The following MSI2 variants were observed in gnomAD, a reference collection of about 807,000 sequenced individuals.
The protein encoded by MSI2 is musashi RNA binding protein 2.
A neutral mutation model predicts 45.6 loss-of-function variants in MSI2; 17 were observed. That is an observed-to-expected ratio of 0.37 (90% CI 0.26 to 0.56). MSI2 has a LOEUF of 0.56. Among genes scored for constraint, MSI2 ranks in the 20% least tolerant of loss-of-function variants. The pLI, the probability that MSI2 is intolerant of heterozygous loss-of-function variation, is 0.77. For missense variants in MSI2, 293 were observed against 444.2 expected, an observed-to-expected ratio of 0.66 and a Z score of 3.06; for synonymous variants, 156 against 158.2, an observed-to-expected ratio of 0.99 and a Z score of 0.11.
intron 6 of MSI2, among the ~76,000 whole-genome samples, chr17:57,466,952 T>G (rs1027623324): frequency 2.0e-5 from 3 of 152,228 alleles, no homozygotes; most frequent in Non-Finnish European, 2.9e-5. Flanking sequence ...GAATCTTGGC[T>G]GCTGTGATTT....
At chr17:57,419,338 T>C in intron 6 of MSI2, among the ~76,000 whole-genome samples, 1 of 151,176 alleles carries the variant, frequency 6.6e-6, no homozygotes, top group East Asian at 1.9e-4. Flanking sequence ...GGTAGAAAAC[T>C]TGGGCTTTAA....
intron 6 of MSI2, among the ~76,000 whole-genome samples, chr17:57,483,734 G>A (rs147349906): frequency 1.1e-4 from 17 of 152,290 alleles, no homozygotes; most frequent in African/African-American, 3.8e-4. Context: ...CTACACGCTG[G>A]ATTCAGCTGC....
At chr17:57,515,642 G>A (rs1292359483) in intron 6 of MSI2, among the ~76,000 whole-genome samples, 1 of 152,164 alleles carries the variant, frequency 6.6e-6, no homozygotes, top group African/African-American at 2.4e-5. Flanking sequence ...AATTTCCTGA[G>A]GACTAGGGAG....
intron 7 of MSI2, among the ~76,000 whole-genome samples, chr17:57,593,246 G>C (rs1904993753): frequency 6.6e-6 from 1 of 152,206 alleles, no homozygotes; most frequent in African/African-American, 2.4e-5. Context: ...TATGGAGGCA[G>C]CTGAAACCTA....
At chr17:57,350,225 GGTGTGTGT>G (rs58596259) in intron 5 of MSI2, among the ~76,000 whole-genome samples, 298 of 146,746 alleles carry the variant, frequency 2.0e-3, no homozygotes, top group African/African-American at 7.4e-3. Flanking sequence ...CAGAGGTAGG[GGTGTGTGT>G]GTGTGTGTGT....
chr17:57,366,010 A>G (rs1048016196), intron 5 of MSI2, among the ~76,000 whole-genome samples: 3 of 151,982 alleles, frequency 2.0e-5, no homozygotes, highest in African/African-American at 7.2e-5. Context: ...CCTCCCCCGG[A>G]TCAAGGGAGC....
chr17:57,663,784 A>G (rs1472046856), intron 11 of MSI2, among the ~76,000 whole-genome samples: 3 of 152,122 alleles, frequency 2.0e-5, no homozygotes, highest in Non-Finnish European at 4.4e-5. Flanking sequence ...GGTAGCCCCC[A>G]AGACTCCAGT....
At chr17:57,516,417 ATTCCCCC>A (rs2086470621) in intron 6 of MSI2, among the ~76,000 whole-genome samples, 1 of 152,100 alleles carries the variant, frequency 6.6e-6, no homozygotes, top group South Asian at 2.1e-4. Flanking sequence ...TTGTTTGTCC[ATTCCCCC>A]TGTGTTTCCA....
At chr17:57,592,009 C>T (rs1904875690) in intron 7 of MSI2, among the ~76,000 whole-genome samples, 3 of 151,746 alleles carry the variant, frequency 2.0e-5, no homozygotes, top group Admixed American at 2.0e-4. Context: ...CCTGTCTCTA[C>T]TAAAAATACA....
chr17:57,376,032 G>C (rs1982271), intron 5 of MSI2, among the ~76,000 whole-genome samples: 88,596 of 151,984 alleles, frequency 0.58, 26,918 homozygotes, highest in East Asian at 0.74. Flanking sequence ...AAGATTTCTC[G>C]CTTTAGGTGA....
intron 5 of MSI2, among the ~76,000 whole-genome samples, chr17:57,370,206 A>AG (rs2083399981): frequency 6.6e-6 from 1 of 152,216 alleles, no homozygotes. Context: ...TTTCCTGCCC[A>AG]GGCCTGCCCT....
At chr17:57,477,392 C>T (rs538811949) in intron 6 of MSI2, among the ~76,000 whole-genome samples, 32 of 152,294 alleles carry the variant, frequency 2.1e-4, no homozygotes, top group African/African-American at 7.7e-4. Context: ...ACCCTTGACA[C>T]TGCTGATCAC....
At chr17:57,597,118 G>C (rs1467387710) in intron 8 of MSI2, among the ~76,000 whole-genome samples, 168 bp downstream of exon 8, 1 of 151,974 alleles carries the variant, frequency 6.6e-6, no homozygotes, top group Non-Finnish European at 1.5e-5. Context: ...TTCATACTGA[G>C]GTGGACAAAC....
intron 6 of MSI2, among the ~76,000 whole-genome samples, chr17:57,491,373 C>T (rs1156569928): frequency 6.6e-6 from 1 of 152,226 alleles, no homozygotes; most frequent in African/African-American, 2.4e-5. Flanking sequence ...AGCTGCAATT[C>T]AGCAGAACAT....
intron 6 of MSI2, among the ~76,000 whole-genome samples, chr17:57,509,091 T>G (rs2086296902): frequency 6.6e-6 from 1 of 152,174 alleles, no homozygotes; most frequent in African/African-American, 2.4e-5. Context: ...AAAGTGCTGC[T>G]TCTCAAGGGT....
At chr17:57,393,460 G>A (rs965237010) in intron 5 of MSI2, among the ~76,000 whole-genome samples, 1 of 152,020 alleles carries the variant, frequency 6.6e-6, no homozygotes, top group African/African-American at 2.4e-5. Flanking sequence ...TCAGTACCTC[G>A]TTCCTTTTTA....
chr17:57,346,967 CAT>C (rs939807999), intron 5 of MSI2, among the ~76,000 whole-genome samples: 2 of 152,162 alleles, frequency 1.3e-5, no homozygotes, highest in African/African-American at 4.8e-5. Context: ...TAGGGCTAAA[CAT>C]ATATATGTTT....
At position 57,538,211 on chromosome 17, in the gene MSI2, C is replaced by A. The variant is rs773083598; in HGVS notation, c.454+8487C>A. ...AAAAGCACCCCCTTTCTTAGCATCA[C>A]GGCACTGCCAGTGGCCGGAGAGGGC... On this transcript the variant is annotated intron_variant, in intron 7 of 13. Transcript: ENST00000284073. Among the ~76,000 whole-genome samples, 19 of 152,188 alleles carry A rather than the reference C, an allele frequency of 1.2e-4. No homozygotes were observed. In the East Asian group the frequency reaches 3.5e-3, roughly 28 times the overall value.
At chr17:57,268,161 C>T (rs961345315) in intron 5 of MSI2, 1 of 152,248 alleles carries the variant, frequency 6.6e-6, no homozygotes, top group African/African-American at 2.4e-5. Context: ...TAGACATTCA[C>T]TCATTCATTT....
Sources: gnomAD v4.1 joint callset for allele counts (sites outside exome capture counted in the v4.1 genomes callset) on GRCh38, gnomAD v4.1.1 for gene constraint, MANE v1.5 for transcripts, NCBI Gene and HGNC (gene_info 2026-07-23, HGNC 2026-07-21) for gene names.